Variants in TMEM204 observed in about 807,000 individuals in gnomAD.
TMEM204 encodes transmembrane protein 204, also known as claudin-like protein 24.
TMEM204 carries 15 observed loss-of-function variants against 19.4 expected under a neutral mutation model. That is an observed-to-expected ratio of 0.77 (90% CI 0.52 to 1.19). TMEM204 has a LOEUF of 1.19. Among genes scored for constraint, TMEM204 ranks in the 50% most tolerant of loss-of-function variants. TMEM204 has a pLI of 0.00. For missense variants in TMEM204, 287 were observed against 321.2 expected (o/e 0.89, Z 0.81); for synonymous variants, 161 against 146.0 (o/e 1.10, Z -0.74).
chr16:1,548,393 G>A (rs2032351159), intron 2 of TMEM204, among the ~76,000 whole-genome samples: 1 of 152,246 alleles, frequency 6.6e-6, no homozygotes, highest in Non-Finnish European at 1.5e-5. Context: ...AGGAAGGAAA[G>A]GAGAGGGGAA....
At chr16:1,549,638 G>T (rs1278880410) in intron 2 of TMEM204, among the ~76,000 whole-genome samples, 1 of 151,998 alleles carries the variant, frequency 6.6e-6, no homozygotes, top group African/African-American at 2.4e-5. Context: ...CCCCATGTTG[G>T]CCAGGCTGGT....
At position 1,542,009 on chromosome 16, in the gene TMEM204, C is replaced by T. The variant is rs1340193225; in HGVS notation, c.369C>T (p.Gly123=). The part of the protein sequence containing the change: ...GQLTFLLGLV[G]LPLLSPDAPC... ...TCACCTTCCTCCTGGGGCTGGTGGG[C>T]CTGCCCCTGCTGTCACCCGACGCCC... Residue 123 remains glycine, a synonymous_variant, in exon 2 of 3, where the codon GGC becomes GGT. Coordinates refer to ENST00000566264, the MANE Select transcript of TMEM204 (RefSeq NM_024600.6). 6.2e-7 allele frequency: 1 copy of T among 1,611,386 alleles called. No individual in the cohort carries two copies. The highest frequency in any genetic ancestry group is 1.1e-5 in the South Asian group (1 of 91,032).
intron 2 of TMEM204, among the ~76,000 whole-genome samples, chr16:1,552,244 A>G (rs1281642237): frequency 1.3e-5 from 2 of 152,036 alleles, no homozygotes; most frequent in Non-Finnish European, 2.9e-5. Flanking sequence ...TGCCGGTATA[A>G]CCTCCTCCCG....
chr16:1,541,926 T>G lies in TMEM204; in HGVS notation c.286T>G (p.Phe96Val), dbSNP rs1306533181. 4 of 1,600,680 alleles carry G rather than the reference T, an allele frequency of 2.5e-6. No individual in the cohort carries two copies. The East Asian group carries it at 9.0e-5, about 36-fold the overall frequency. Reference protein sequence around the residue: ...QESRGTVKLQFDMMRACNLVA... With the variant: ...QESRGTVKLQVDMMRACNLVA... ...TCTCTGCTCTTGGCCCACAGTGCAG[T>G]TCGACATGATGCGCGCCTGCAACCT... is the stretch of plus-strand genomic sequence containing the variant. Residue 96 changes from phenylalanine to valine, a missense_variant, in exon 2 of 3, where the codon TTC becomes GTC. Phe to Val is a conservative substitution (Grantham distance 50). Transcript: ENST00000566264.
chr16:1,542,145 C>T (rs1028416290), intron 2 of TMEM204, 69 bp downstream of exon 2: 83 of 1,456,892 alleles, frequency 5.7e-5, no homozygotes, highest in Non-Finnish European at 2.2e-5. Flanking sequence ...ACAGGAGGGT[C>T]CTGAGGCCTT....
intron 1 of TMEM204, among the ~76,000 whole-genome samples, chr16:1,538,348 C>T (rs748500328): frequency 3.9e-5 from 6 of 152,170 alleles, no homozygotes; most frequent in African/African-American, 9.7e-5. Context: ...GGGCTGAGGG[C>T]GAGAGGACAG....
chr16:1,551,757 C>T lies in TMEM204; in HGVS notation c.437-3025C>T, dbSNP rs922572675. Among the ~76,000 whole-genome samples, 1 of 152,308 alleles carries T rather than the reference C, an allele frequency of 6.6e-6. No individual in the cohort carries two copies. The highest frequency in any genetic ancestry group is 3.4e-3 in the Middle Eastern group (1 of 294). On this transcript the variant is annotated intron_variant, in intron 2 of 2. Transcript: ENST00000566264. The surrounding 1 kb of genome is among the most constrained non-coding windows in gnomAD (Gnocchi z 4.0). ...GGAGCTACCTATACAAAGGAGGCCA[C>T]ACCACACGTGCGTGGTCCGGCAGAT...
At position 1,555,280 on chromosome 16, in the gene TMEM204, C is replaced by T. The variant is rs930296332; in HGVS notation, c.*254C>T. 4 of 495,758 alleles carry T rather than the reference C, an allele frequency of 8.1e-6. No individual in the cohort carries two copies. In the Admixed American group the frequency reaches 1.5e-4, roughly 18 times the overall value. 30.7% of individuals were successfully genotyped at this position (495,758 alleles called of 1,614,324 possible). A position where few individuals can be genotyped will look rare whatever the true frequency, so the allele number is the denominator to read the frequency against. ...CGCAACGCGGCTCCACGACCACACG[C>T]ACTTCAGGGTGGAAGCTGGAAGCTG... On this transcript the variant is annotated 3_prime_UTR_variant, in exon 3 of 3. Coordinates refer to ENST00000566264, the MANE Select transcript of TMEM204 (RefSeq NM_024600.6).
chr16:1,553,361 C>T lies in TMEM204; in HGVS notation c.437-1421C>T. The stretch of plus-strand genomic sequence containing the variant: ...CTTTTTCTCCCATCCTCTCTCGATG[C>T]TGGGGCCACACAGGGCAGGGCATGA... On this transcript the variant is annotated intron_variant, in intron 2 of 2. Transcript: ENST00000566264. The surrounding 1 kb of genome is among the most constrained non-coding windows in gnomAD (Gnocchi z 4.4). The T allele has an allele frequency of 1.0e-6, 1 of 985,384 alleles. No homozygotes were observed. Among genetic ancestry groups the T allele is most frequent in the Non-Finnish European group, 1.2e-6 (1 of 829,940 alleles). 61.0% of individuals were successfully genotyped at this position (985,384 alleles called of 1,614,324 possible).
Position 1,543,649 on chromosome 16 carries a change from A to T in TMEM204, c.436+1573A>T, listed in dbSNP as rs1271292853. The stretch of plus-strand genomic sequence containing the variant: ...TTCTGCCCCCACCCAACTGACTGTA[A>T]GAACGAATGAGACAGGGATGTGGGA... On this transcript the variant is annotated intron_variant, in intron 2 of 2. Transcript: ENST00000566264. Among the ~76,000 whole-genome samples the T allele has an allele frequency of 7.2e-5, 11 of 152,226 alleles. No homozygotes were observed. The East Asian group carries it at 2.1e-3, about 29-fold the overall frequency.
At chr16:1,537,505 A>T (rs969290258) in intron 1 of TMEM204, among the ~76,000 whole-genome samples, 15 of 152,236 alleles carry the variant, frequency 9.9e-5, no homozygotes, top group African/African-American at 3.4e-4. Flanking sequence ...TCTCGACTTC[A>T]TCCAGGTTCA....
chr16:1,555,560 G>T lies in TMEM204; in HGVS notation c.*534G>T. 6.3e-6 allele frequency: 1 copy of T among 157,758 alleles called. No homozygotes were observed. The highest frequency in any genetic ancestry group is 1.4e-5 in the Non-Finnish European group (1 of 71,570). The allele number at this position is 157,758 out of a possible 1,614,324, so 9.8% of individuals were successfully genotyped here. ...CTTTTCCTAAGTTAAATAAATGCAA[G>T]CCTCTGAACTCTGTCTATAACTTGT... On this transcript the variant is annotated 3_prime_UTR_variant, in exon 3 of 3. Transcript: ENST00000566264.
At position 1,533,872 on chromosome 16, in the gene TMEM204, G is replaced by A; in HGVS notation, c.-404G>A. On this transcript the variant is annotated 5_prime_UTR_variant, in exon 1 of 3. Coordinates refer to ENST00000566264, the MANE Select transcript of TMEM204 (RefSeq NM_024600.6). The surrounding 1 kb of genome is among the most constrained non-coding windows in gnomAD (Gnocchi z 4.7). ...ACAGCAGGCCGGTGCTAAGGAGTGT[G>A]GCGCGGGCTCGACTCCCACTGCTGC... is the stretch of plus-strand genomic sequence containing the variant. 1 of 277,074 alleles carries A rather than the reference G, an allele frequency of 3.6e-6. No homozygotes were observed. The highest frequency in any genetic ancestry group is 3.6e-5 in the South Asian group (1 of 27,772). 17.2% of individuals were successfully genotyped at this position (277,074 alleles called of 1,614,324 possible). A position where few individuals can be genotyped will look rare whatever the true frequency, so the allele number is the denominator to read the frequency against.
rs2032822943 is a variant in TMEM204 at position 1,553,258 on chromosome 16, A to C, written c.437-1524A>C. 2.1e-6 allele frequency: 2 copies of C among 975,430 alleles called. No homozygotes were observed. The highest frequency in any genetic ancestry group is 2.4e-6 in the Non-Finnish European group (2 of 821,788). 60.4% of individuals were successfully genotyped at this position (975,430 alleles called of 1,614,324 possible). A position where few individuals can be genotyped will look rare whatever the true frequency, so the allele number is the denominator to read the frequency against. The stretch of plus-strand genomic sequence containing the variant: ...TCTGTGTCTGTCTCTGTCTCTCTGT[A>C]TCTCTCTTGGTCTCTGTCTCTCTGT... On this transcript the variant is annotated intron_variant, in intron 2 of 2. Coordinates refer to ENST00000566264, the MANE Select transcript of TMEM204 (RefSeq NM_024600.6). This position sits in a 1 kb window ranked among gnomAD's most constrained non-coding sequence, Gnocchi z 4.4.
chr16:1,549,755 C>T (rs1475023426), intron 2 of TMEM204, among the ~76,000 whole-genome samples: 1 of 151,970 alleles, frequency 6.6e-6, no homozygotes, highest in East Asian at 1.9e-4. Flanking sequence ...TTTTCAAAGA[C>T]ACAGCTTTCT....
intron 1 of TMEM204, chr16:1,540,863 C>G: frequency 1.0e-6 from 1 of 985,446 alleles, no homozygotes. Flanking sequence ...AGGCTAGGGA[C>G]TCTGTGGGGC....
Position 1,534,491 on chromosome 16 carries a change from C to T in TMEM204, c.216C>T (p.Asp72=), listed in dbSNP as rs556819588. 9.9e-6 allele frequency: 16 copies of T among 1,609,768 alleles called. No individual in the cohort carries two copies. The East Asian group carries it at 3.6e-4, about 36-fold the overall frequency. The part of the protein sequence containing the change: ...GARAGQVDAH[D]CEALGWGSEA... ...GAGCCGGCCAGGTGGACGCACATGACTGTGAGGCGCTGGGCTGGGGCTCCG... is the reference window on the plus strand; with the variant it reads ...GAGCCGGCCAGGTGGACGCACATGATTGTGAGGCGCTGGGCTGGGGCTCCG... The change falls in exon 1 of 3, where the codon GAC becomes GAT. Residue 72 remains aspartate (D), a synonymous_variant. Coordinates refer to ENST00000566264, the MANE Select transcript of TMEM204 (RefSeq NM_024600.6).
At chr16:1,544,701 T>A (rs919198825) in intron 2 of TMEM204, among the ~76,000 whole-genome samples, 6 of 151,762 alleles carry the variant, frequency 4.0e-5, no homozygotes, top group Non-Finnish European at 5.9e-5. Context: ...CAGGCTGGAG[T>A]GCAGTGGCGC....
In TMEM204 at chr16:1,542,032, C is replaced by T; in HGVS notation, c.392C>T (p.Ala131Val). The T allele has an allele frequency of 1.2e-6, 2 of 1,611,136 alleles. No individual in the cohort carries two copies. The highest frequency in any genetic ancestry group is 1.1e-5 in the South Asian group (1 of 90,962). The change falls in exon 2 of 3, where the codon GCC becomes GTC. Residue 131 changes from alanine (A) to valine (V), a missense_variant. Transcript: ENST00000566264. ...LVGLPLLSPD[A>V]PCWEEAMAAA... ...GGCCTGCCCCTGCTGTCACCCGACG[C>T]CCCGTGCTGGGAGGAGGCCATGGCC...
Sources: allele counts gnomAD v4.1 joint callset (sites outside exome capture counted in the v4.1 genomes callset), GRCh38; gene constraint gnomAD v4.1.1; non-coding constraint Gnocchi (gnomAD v3.1); transcripts MANE v1.5; gene names NCBI Gene and HGNC (gene_info 2026-07-23, HGNC 2026-07-21).